Variants in NRG2 observed in about 807,000 individuals in gnomAD.
The protein encoded by NRG2 is neuregulin 2, also known as pro-neuregulin-2, membrane-bound isoform.
Under a neutral mutation model 73.9 loss-of-function variants are expected in NRG2, and 27 were observed. The ratio of observed to expected loss-of-function variants is 0.37; its 90% CI spans 0.27 to 0.50. The LOEUF (loss-of-function observed/expected upper bound fraction) is 0.50, where lower values mean the gene tolerates loss of function less well. Among genes scored for constraint, NRG2 ranks in the 20% least tolerant of loss-of-function variants. The pLI is 0.96. For missense variants in NRG2, 1,126 were observed against 1,210.1 expected, an observed-to-expected ratio of 0.93 and a Z score of 1.03; for synonymous variants, 532 against 541.0, an observed-to-expected ratio of 0.98 and a Z score of 0.23.
At position 139,943,029 on chromosome 5, in the gene NRG2, C is replaced by T. The variant is rs556301482; in HGVS notation, c.701-55518G>A. Among the ~76,000 whole-genome samples, 194 of 152,254 alleles carry T rather than the reference C, an allele frequency of 1.3e-3. 7 individuals are homozygous for T. Among genetic ancestry groups the T allele is most frequent in the Admixed American group, 1.5e-3 (23 of 15,276 alleles). On this transcript the variant is annotated intron_variant, in intron 1 of 9. Coordinates refer to ENST00000361474, the MANE Select transcript of NRG2 (RefSeq NM_004883.3). Reference sequence around the variant, plus strand: ...CTAGTTTTTGTATTTTTAGTAGAGACGGGGCTTCACCATGTTGGCCAGGCT... The same window carrying T: ...CTAGTTTTTGTATTTTTAGTAGAGATGGGGCTTCACCATGTTGGCCAGGCT...
At chr5:139,943,272 G>C (rs543742879) in intron 1 of NRG2, among the ~76,000 whole-genome samples, 2 of 151,898 alleles carry the variant, frequency 1.3e-5, no homozygotes, top group Non-Finnish European at 1.5e-5. Context: ...TCAGCCTCCC[G>C]AGTAGCTGAG....
rs1441146480 is a variant in NRG2 at position 139,851,842 on chromosome 5, C to CACG, written c.1545-12_1545-11insCGT. On this transcript the variant is annotated splice_polypyrimidine_tract_variant and intron_variant, in intron 8 of 9. Transcript: ENST00000361474. This position sits in a 1 kb window ranked among gnomAD's most constrained non-coding sequence, Gnocchi z 4.2. ...GTGTGGCTCTCGTGTCTGGGAAGGC[C>CACG]AGATGGGGTGAGACGAGGGGTCAGG... The CACG allele has an allele frequency of 1.9e-6, 3 of 1,613,462 alleles. No individual in the cohort carries two copies. The highest frequency in any genetic ancestry group is 2.5e-6 in the Non-Finnish European group (3 of 1,179,606).
At chr5:139,989,789 TA>T (rs1222912876) in intron 1 of NRG2, among the ~76,000 whole-genome samples, 2 of 150,002 alleles carry the variant, frequency 1.3e-5, no homozygotes, top group African/African-American at 2.4e-5. Flanking sequence ...TATTTTATTT[TA>T]TTTTTTTATT....
rs1210877028 is a variant in NRG2 at position 139,847,088 on chromosome 5, T to C, written c.*829A>G. On this transcript the variant is annotated 3_prime_UTR_variant, in exon 10 of 10. Coordinates refer to ENST00000361474, the MANE Select transcript of NRG2 (RefSeq NM_004883.3). ...GCTCTTCTCGGTCCCAGCGTGACCA[T>C]GCATCCAATCTAAAGAATCTGAAAT... The C allele has an allele frequency of 6.6e-6, 1 of 152,270 alleles. No homozygotes were observed. The highest frequency in any genetic ancestry group is 1.5e-5 in the Non-Finnish European group (1 of 68,042). 9.4% of individuals were successfully genotyped at this position (152,270 alleles called of 1,614,324 possible).
chr5:139,863,635 G>C (rs1762291497), intron 5 of NRG2, among the ~76,000 whole-genome samples: 2 of 152,230 alleles, frequency 1.3e-5, no homozygotes, highest in Admixed American at 1.3e-4. Flanking sequence ...TTGCCCCACT[G>C]TCTCTTGCCC....
chr5:139,872,763 C>T (rs1762944108), intron 3 of NRG2, among the ~76,000 whole-genome samples: 1 of 152,224 alleles, frequency 6.6e-6, no homozygotes, highest in South Asian at 2.1e-4. Flanking sequence ...ATCACTGAAG[C>T]TCTGCTCCTC....
At chr5:139,985,708 G>A (rs955559261) in intron 1 of NRG2, among the ~76,000 whole-genome samples, 1 of 152,130 alleles carries the variant, frequency 6.6e-6, no homozygotes, top group African/African-American at 2.4e-5. Flanking sequence ...CAATCTCAGG[G>A]GACAGCTTGC....
intron 1 of NRG2, among the ~76,000 whole-genome samples, chr5:140,017,772 AAGAT>A (rs1759913060): frequency 6.6e-6 from 1 of 152,164 alleles, no homozygotes; most frequent in Admixed American, 6.5e-5. Flanking sequence ...AGAGAAGAGA[AAGAT>A]AGGTAGTAAT....
chr5:140,033,912 A>G (rs1486788836), intron 1 of NRG2, among the ~76,000 whole-genome samples: 1 of 152,194 alleles, frequency 6.6e-6, no homozygotes, highest in Non-Finnish European at 1.5e-5. Flanking sequence ...TAAGATGCAG[A>G]AAGTAACTTG....
intron 3 of NRG2, among the ~76,000 whole-genome samples, chr5:139,874,758 G>A (rs1039807464): frequency 2.0e-5 from 3 of 152,042 alleles, no homozygotes; most frequent in Non-Finnish European, 4.4e-5. Context: ...GTCTTATCTG[G>A]GCTTCACCAC....
At chr5:139,922,551 T>C (rs1751752348) in intron 1 of NRG2, among the ~76,000 whole-genome samples, 1 of 152,340 alleles carries the variant, frequency 6.6e-6, no homozygotes, top group Middle Eastern at 3.4e-3. Context: ...CCATTTCTTA[T>C]AAAACTAAAA....
chr5:139,848,064 G>A lies in NRG2; in HGVS notation c.2406C>T (p.His802=). ...STPFLGLRGA[H]DALRSDSPPL... is the part of the protein sequence containing the mutation. Reference sequence around the variant, plus strand: ...GCGGCGAGTCCGAGCGCAGCGCGTCGTGCGCCCCACGCAGGCCCAGGAAAG... The same window carrying A: ...GCGGCGAGTCCGAGCGCAGCGCGTCATGCGCCCCACGCAGGCCCAGGAAAG... Residue 802 remains histidine, a synonymous_variant, in exon 10 of 10, where the codon CAC becomes CAT. Transcript: ENST00000361474. The A allele has an allele frequency of 6.7e-7, 1 of 1,501,172 alleles. No homozygotes were observed. Among genetic ancestry groups the A allele is most frequent in the Non-Finnish European group, 8.8e-7 (1 of 1,131,876 alleles). The allele number at this position is 1,501,172 out of a possible 1,614,324, so 93.0% of individuals were successfully genotyped here.
At chr5:140,042,122 C>T (rs1304287488) in intron 1 of NRG2, among the ~76,000 whole-genome samples, 1 of 152,170 alleles carries the variant, frequency 6.6e-6, no homozygotes, top group Non-Finnish European at 1.5e-5. Context: ...AGCCGCAGAT[C>T]CCCGCTGGCA....
intron 1 of NRG2, among the ~76,000 whole-genome samples, chr5:139,955,825 G>A (rs1754583064): frequency 6.6e-6 from 1 of 152,146 alleles, no homozygotes; most frequent in African/African-American, 2.4e-5. Context: ...TGTAACAGGA[G>A]CCTGGAGCAT....
intron 1 of NRG2, among the ~76,000 whole-genome samples, chr5:139,888,300 G>A (rs1427964150): frequency 2.6e-5 from 4 of 152,184 alleles, no homozygotes; most frequent in Non-Finnish European, 4.4e-5. Flanking sequence ...GTGTCATACT[G>A]ACACTGATGG....
chr5:139,935,001 C>A (rs1031654945), intron 1 of NRG2, among the ~76,000 whole-genome samples: 1 of 152,040 alleles, frequency 6.6e-6, no homozygotes. Context: ...CCCGTCTCTA[C>A]TAAAAATACA....
At chr5:139,986,186 G>A (rs756116171) in intron 1 of NRG2, among the ~76,000 whole-genome samples, 4 of 152,174 alleles carry the variant, frequency 2.6e-5, no homozygotes, top group Non-Finnish European at 5.9e-5. Flanking sequence ...AAGAAACTGA[G>A]GTAATGGGAA....
intron 3 of NRG2, among the ~76,000 whole-genome samples, chr5:139,876,925 C>G (rs979532967): frequency 2.8e-5 from 4 of 141,900 alleles, no homozygotes; most frequent in African/African-American, 5.2e-5. Flanking sequence ...GAATGTGCAT[C>G]TGTGTGTGTG....
Position 139,857,068 on chromosome 5 carries a change from G to A in NRG2, c.1190-1290C>T, listed in dbSNP as rs577089039. On this transcript the variant is annotated intron_variant, in intron 5 of 9. Coordinates refer to ENST00000361474, the MANE Select transcript of NRG2 (RefSeq NM_004883.3). The stretch of plus-strand genomic sequence containing the variant: ...TACAGGCACCAACAACCTCCAGGCC[G>A]CCAAGTCCTGAGGTCACTTGCTTCC... Among the ~76,000 whole-genome samples the A allele has an allele frequency of 4.4e-4, 67 of 152,244 alleles. No individual in the cohort carries two copies. In the South Asian group the frequency reaches 0.012, roughly 28 times the overall value.
Sources: gnomAD v4.1 joint callset for allele counts (sites outside exome capture counted in the v4.1 genomes callset) on GRCh38, gnomAD v4.1.1 for gene constraint, Gnocchi (gnomAD v3.1) non-coding constraint, MANE v1.5 for transcripts, NCBI Gene and HGNC (gene_info 2026-07-23, HGNC 2026-07-21) for gene names.